Variants in SGTA observed in about 807,000 individuals in gnomAD.
SGTA encodes the protein small glutamine rich tetratricopeptide repeat co-chaperone alpha.
In SGTA, 22 loss-of-function variants were observed where a neutral mutation model predicts 44.3. The observed-to-expected ratio is 0.50, with a 90% confidence interval of 0.36 to 0.71. The LOEUF is 0.71. Ranked by LOEUF, SGTA falls within the 30% of genes least tolerant of loss-of-function variation. The probability of loss-of-function intolerance (pLI) is 0.00; values close to 1 mark genes in which losing one functional copy is unlikely to be tolerated. For synonymous variants in SGTA, 174 were observed against 177.6 expected, an observed-to-expected ratio of 0.98 and a Z score of 0.16; for missense variants, 341 against 435.9, an observed-to-expected ratio of 0.78 and a Z score of 1.94.
rs1182919970 is a variant in SGTA, at chr19:2,761,412, G to A, written c.699+48C>T. The A allele has an allele frequency of 1.4e-6, 2 of 1,468,332 alleles. No individual in the cohort carries two copies. Among genetic ancestry groups the A allele is most frequent in the Non-Finnish European group, 9.3e-7 (1 of 1,072,650 alleles). The allele number at this position is 1,468,332 out of a possible 1,614,324, so 91.0% of individuals were successfully genotyped here. ...TAGCGGACACAGCAGATGCGGGCCT[G>A]GGGGGTGGCGCAGACACCATGGACA... On this transcript the variant is annotated intron_variant, in intron 8 of 11. Transcript: ENST00000221566. This position sits in a 1 kb window ranked among gnomAD's most constrained non-coding sequence, Gnocchi z 5.7.
chr19:2,781,245 T>C (rs1447775311), intron 1 of SGTA, among the ~76,000 whole-genome samples: 1 of 152,214 alleles, frequency 6.6e-6, no homozygotes. Context: ...TCATTCACCC[T>C]TCTAGGAAGA....
In SGTA at chr19:2,775,952, C is replaced by T. The variant is rs115240418; in HGVS notation, c.-23-6861G>A. Among the ~76,000 whole-genome samples, 1,289 of 152,222 alleles carry T rather than the reference C, an allele frequency of 8.5e-3. 15 individuals carry two copies. The highest frequency in any genetic ancestry group is 0.03 in the African/African-American group (1,233 of 41,506). On this transcript the variant is annotated intron_variant, in intron 1 of 11. Coordinates refer to ENST00000221566, the MANE Select transcript of SGTA (RefSeq NM_003021.4). ...TCCTGCGGGATGGTAATGAGTTTTC[C>T]GCCCCCATCTCAGGACACAATGGAC...
intron 1 of SGTA, among the ~76,000 whole-genome samples, chr19:2,781,396 G>A (rs886752149): frequency 1.3e-5 from 2 of 152,174 alleles, no homozygotes; most frequent in Admixed American, 6.5e-5. Context: ...CAGCTCTGCA[G>A]GCGTTAAGTT....
At chr19:2,777,782 G>C (rs1455902573) in intron 1 of SGTA, 1 of 152,082 alleles carries the variant, frequency 6.6e-6, no homozygotes. Context: ...CAGGAGCGGT[G>C]GCTCAGGCCT....
rs1256250549 is a variant in SGTA, at chr19:2,755,722, G to GGCTCTC, written c.*212_*217dup. On this transcript the variant is annotated 3_prime_UTR_variant, in exon 12 of 12. Coordinates refer to ENST00000221566, the MANE Select transcript of SGTA (RefSeq NM_003021.4). The surrounding 1 kb of genome is among the most constrained non-coding windows in gnomAD (Gnocchi z 5.2). ...GCTGCTGGTCTGTGCTCAGCTTGCT[G>GGCTCTC]GCTCTCGTTTCAAGAAGGGTCTGGG... is the stretch of plus-strand genomic sequence containing the variant. 1.0e-6 allele frequency: 1 copy of GGCTCTC among 985,392 alleles called. No homozygotes were observed. The highest frequency in any genetic ancestry group is 1.2e-6 in the Non-Finnish European group (1 of 830,006). The allele number at this position is 985,392 out of a possible 1,614,324, so 61.0% of individuals were successfully genotyped here.
intron 1 of SGTA, chr19:2,777,697 C>G (rs1915473663): frequency 6.6e-6 from 1 of 152,128 alleles, no homozygotes; most frequent in Non-Finnish European, 1.5e-5. Flanking sequence ...GTCAGGATCC[C>G]CAGGCAGACA....
At chr19:2,774,543 C>T (rs975964339) in intron 1 of SGTA, among the ~76,000 whole-genome samples, 4 of 152,282 alleles carry the variant, frequency 2.6e-5, no homozygotes, top group East Asian at 1.9e-4. Flanking sequence ...GGTTAACACC[C>T]GTGCACGCGT....
At chr19:2,759,854 G>A (rs1285720765) in intron 8 of SGTA, among the ~76,000 whole-genome samples, 7 of 152,026 alleles carry the variant, frequency 4.6e-5, no homozygotes, top group Non-Finnish European at 1.0e-4. Flanking sequence ...CAGCTACTTG[G>A]GAAACTGAGG....
At chr19:2,773,613 T>A (rs879486464) in intron 1 of SGTA, among the ~76,000 whole-genome samples, 50 of 10,876 alleles carry the variant, frequency 4.6e-3, no homozygotes, top group African/African-American at 7.4e-3. Context: ...CGGCAGGGAC[T>A]CCGAGGGCAG....
At chr19:2,758,676 T>C (rs1468073883) in intron 9 of SGTA, among the ~76,000 whole-genome samples, 4 of 152,116 alleles carry the variant, frequency 2.6e-5, no homozygotes, top group Middle Eastern at 3.2e-3. Flanking sequence ...ACACAGACGA[T>C]TGCACACCCG....
At chr19:2,764,104 G>A (rs1239047546) in intron 5 of SGTA, among the ~76,000 whole-genome samples, 2 of 152,176 alleles carry the variant, frequency 1.3e-5, no homozygotes, top group East Asian at 3.8e-4. Context: ...AAAGAACTCA[G>A]ACCAATGTCA....
At chr19:2,778,829 G>A (rs1382285445) in intron 1 of SGTA, among the ~76,000 whole-genome samples, 3 of 152,196 alleles carry the variant, frequency 2.0e-5, no homozygotes, top group South Asian at 2.1e-4. Flanking sequence ...ACACTAAGGG[G>A]AGAGGGAGCA....
chr19:2,768,580 C>T (rs1312678685), intron 2 of SGTA, among the ~76,000 whole-genome samples: 1 of 152,206 alleles, frequency 6.6e-6, no homozygotes, highest in Non-Finnish European at 1.5e-5. Context: ...AGGATGCCAA[C>T]GAGTCTGGGA....
intron 8 of SGTA, among the ~76,000 whole-genome samples, chr19:2,760,865 G>C (rs1003227799): frequency 6.6e-6 from 1 of 152,236 alleles, no homozygotes; most frequent in Non-Finnish European, 1.5e-5. Context: ...TGTACCCTGA[G>C]GCTGTGGGAG....
Position 2,765,181 on chromosome 19 carries a change from G to A in SGTA, c.392+5C>T. ...CCCTGCCCTGGGCAGGCCCTGAGCT[G>A]GTACCTGTTGCAGAAATAGACGGCG... On this transcript the variant is annotated splice_donor_5th_base_variant and intron_variant, in intron 5 of 11. Transcript: ENST00000221566. This position sits in a 1 kb window ranked among gnomAD's most constrained non-coding sequence, Gnocchi z 5.5. 6.2e-7 allele frequency: 1 copy of A among 1,612,102 alleles called. No homozygotes were observed.
In SGTA at chr19:2,767,495, G is replaced by T; in HGVS notation, c.207+85C>A. 2 of 1,126,332 alleles carry T rather than the reference G, an allele frequency of 1.8e-6. No individual in the cohort carries two copies. Among genetic ancestry groups the T allele is most frequent in the South Asian group, 1.3e-5 (1 of 77,340 alleles). 69.8% of individuals were successfully genotyped at this position (1,126,332 alleles called of 1,614,324 possible). A position where few individuals can be genotyped will look rare whatever the true frequency, so the allele number is the denominator to read the frequency against. The stretch of plus-strand genomic sequence containing the variant: ...CAGGCAGAGTGCTGGGGGACGATGA[G>T]AGCGGGGCTCCTGGGGTCCCCAGGG... On this transcript the variant is annotated intron_variant, in intron 3 of 11. Coordinates refer to ENST00000221566, the MANE Select transcript of SGTA (RefSeq NM_003021.4). This position sits in a 1 kb window ranked among gnomAD's most constrained non-coding sequence, Gnocchi z 7.3.
rs768241035 is a variant in SGTA at position 2,763,636 on chromosome 19, C to A, written c.497+17G>T. On this transcript the variant is annotated intron_variant, in intron 6 of 11. Coordinates refer to ENST00000221566, the MANE Select transcript of SGTA (RefSeq NM_003021.4). This position sits in a 1 kb window ranked among gnomAD's most constrained non-coding sequence, Gnocchi z 5.8. Reference sequence around the variant, plus strand: ...TCCCGAGAGACTGGAAAGGCGCGGCCGTGGACAGGCACTCACCCCATCCTG... The same window carrying A: ...TCCCGAGAGACTGGAAAGGCGCGGCAGTGGACAGGCACTCACCCCATCCTG... The A allele has an allele frequency of 4.4e-6, 7 of 1,579,762 alleles. No homozygotes were observed. In the South Asian group the frequency reaches 5.6e-5, roughly 13 times the overall value.
At chr19:2,776,188 A>G (rs1915441674) in intron 1 of SGTA, among the ~76,000 whole-genome samples, 1 of 152,228 alleles carries the variant, frequency 6.6e-6, no homozygotes, top group South Asian at 2.1e-4. Context: ...GCCCAAGGAA[A>G]ACAGACACAT....
In SGTA at chr19:2,755,543, G is replaced by C. The variant is rs531807506; in HGVS notation, c.*397C>G. The C allele has an allele frequency of 5.9e-4, 580 of 986,008 alleles. 2 individuals are homozygous for C. The highest frequency in any genetic ancestry group is 8.6e-4 in the Middle Eastern group (2 of 2,318). 61.1% of individuals were successfully genotyped at this position (986,008 alleles called of 1,614,324 possible). ...AGTTCCTGCAGACAGACCACGGGATGGGGGGCGGGGGCTGTAAAAGGCTTT... is the reference window on the plus strand; with the variant it reads ...AGTTCCTGCAGACAGACCACGGGATCGGGGGCGGGGGCTGTAAAAGGCTTT... On this transcript the variant is annotated 3_prime_UTR_variant, in exon 12 of 12. Transcript: ENST00000221566. This position sits in a 1 kb window ranked among gnomAD's most constrained non-coding sequence, Gnocchi z 5.2.
Sources: gnomAD v4.1 joint callset for allele counts (sites outside exome capture counted in the v4.1 genomes callset) on GRCh38, gnomAD v4.1.1 for gene constraint, Gnocchi (gnomAD v3.1) non-coding constraint, MANE v1.5 for transcripts, NCBI Gene and HGNC (gene_info 2026-07-23, HGNC 2026-07-21) for gene names.